The following KAT2A variants were observed in gnomAD, a reference collection of about 807,000 sequenced individuals.
The protein encoded by KAT2A is histone acetyltransferase KAT2A.
KAT2A carries 42 observed loss-of-function variants against 95.2 expected under a neutral mutation model. That is an observed-to-expected ratio of 0.44 (90% CI 0.34 to 0.57). The LOEUF (loss-of-function observed/expected upper bound fraction) is 0.57. Among genes scored for constraint, KAT2A ranks in the 20% least tolerant of loss-of-function variants. The probability of loss-of-function intolerance (pLI) is 0.01; values close to 1 mark genes in which losing one functional copy is unlikely to be tolerated. For missense variants in KAT2A, 784 were observed against 1,126.3 expected, an observed-to-expected ratio of 0.70 and a Z score of 4.35; for synonymous variants, 449 against 448.2, an observed-to-expected ratio of 1.00 and a Z score of -0.02.
At position 42,118,411 on chromosome 17, in the gene KAT2A, G is replaced by T; in HGVS notation, c.1074-8C>A. The T allele has an allele frequency of 1.3e-6, 2 of 1,579,108 alleles. No homozygotes were observed. Among genetic ancestry groups the T allele is most frequent in the Non-Finnish European group, 8.7e-7 (1 of 1,148,234 alleles). ...TCCAGCATGGACAGGAATCTGTAGGGAGGACACAGTCTGTCCCACAACTCT... is the reference window on the plus strand; with the variant it reads ...TCCAGCATGGACAGGAATCTGTAGGTAGGACACAGTCTGTCCCACAACTCT... On this transcript the variant is annotated splice_region_variant and splice_polypyrimidine_tract_variant and intron_variant, in intron 6 of 17. Transcript: ENST00000225916.
chr17:42,116,234 CAG>C (rs144010961), intron 11 of KAT2A, among the ~76,000 whole-genome samples: 4,559 of 152,254 alleles, frequency 0.03, 152 homozygotes, highest in African/African-American at 0.085. Context: ...CCCTGGGCCT[CAG>C]AGTTGGGAGA....
chr17:42,113,920 G>C (rs1242507349), intron 17 of KAT2A, 78 bp from the exon 18 acceptor site: 5 of 1,481,278 alleles, frequency 3.4e-6, no homozygotes, highest in Admixed American at 5.4e-5. Context: ...TGGGCCCCCT[G>C]GGGCTGCAGG....
At chr17:42,118,782 G>A (rs1448014525) in intron 6 of KAT2A, among the ~76,000 whole-genome samples, 1 of 152,224 alleles carries the variant, frequency 6.6e-6, no homozygotes, top group East Asian at 1.9e-4. Context: ...ATGGCAGGGG[G>A]CACTAGAGAG....
rs782210992 is a variant in KAT2A, at chr17:42,114,498, G to A, written c.2126C>T (p.Pro709Leu). ...CTGAGACCCCTGCTTACGAATGCCA[G>A]GAACGCTCTCCACAGGGATCTGCCT... ...GVRQIPVESVPGIRETGWKPL... is the reference protein window; with the variant it reads ...GVRQIPVESVLGIRETGWKPL... Residue 709 changes from proline to leucine, a missense_variant, in exon 14 of 18, where the codon CCT (proline) becomes CTT (leucine). Pro to Leu is a moderately conservative substitution (Grantham distance 98). This residue lies in a region of KAT2A where 195 missense variants were observed against 247.1 expected (regional missense o/e 0.79). Coordinates refer to ENST00000225916, the MANE Select transcript of KAT2A (RefSeq NM_021078.3). This position sits in a 1 kb window ranked among gnomAD's most constrained non-coding sequence, Gnocchi z 6.0. The A allele has an allele frequency of 2.5e-6, 4 of 1,614,062 alleles. No individual in the cohort carries two copies. Among genetic ancestry groups the A allele is most frequent in the Non-Finnish European group, 8.5e-7 (1 of 1,179,934 alleles).
intron 7 of KAT2A, 84 bp from the exon 8 acceptor site, chr17:42,118,101 G>A (rs2054287237): frequency 1.1e-6 from 1 of 872,944 alleles, no homozygotes; most frequent in Non-Finnish European, 1.8e-6. Flanking sequence ...CTGAAGCTGA[G>A]GAGAGAGAGA....
rs1444174193 is a variant in KAT2A at position 42,120,986 on chromosome 17, C to T, written c.319G>A (p.Gly107Arg). ...LPRAKKLEKL[G>R]VFSACKANET... ...CCCACCTTGCAAGCCGAGAAGACCC[C>T]TAGCTTCTCAAGCTTCTTGGCGCGC... The change falls in exon 1 of 18, where the codon GGG (glycine) becomes AGG (arginine). Residue 107 changes from glycine to arginine, a missense_variant. Gly to Arg is a moderately radical substitution (Grantham distance 125). This residue lies in a region of KAT2A where 208 missense variants were observed against 339.7 expected (regional missense o/e 0.61). Coordinates refer to ENST00000225916, the MANE Select transcript of KAT2A (RefSeq NM_021078.3). 1 of 1,590,442 alleles carries T rather than the reference C, an allele frequency of 6.3e-7. No individual in the cohort carries two copies. Among genetic ancestry groups the T allele is most frequent in the African/African-American group, 1.3e-5 (1 of 74,544 alleles).
In KAT2A at chr17:42,114,921, G is replaced by A. The variant is rs17659391; in HGVS notation, c.1990C>T (p.Leu664=). The A allele has an allele frequency of 0.065, 105,287 of 1,613,768 alleles. 4,183 individuals carry two copies. The highest frequency in any genetic ancestry group is 0.076 in the Non-Finnish European group (89,801 of 1,179,712). ...TTCTGCTTCTTGATGATGTGGGACA[G>A]CTCCGTGTAGGGGATGCGGGGATTC... The part of the protein sequence containing the change: ...ELNPRIPYTE[L]SHIIKKQKEI... The change falls in exon 13 of 18, where the codon CTG becomes TTG. Residue 664 remains leucine, a synonymous_variant. Coordinates refer to ENST00000225916, the MANE Select transcript of KAT2A (RefSeq NM_021078.3). This position sits in a 1 kb window ranked among gnomAD's most constrained non-coding sequence, Gnocchi z 6.0.
At chr17:42,120,410 GA>G (rs2054319471) in intron 2 of KAT2A, 40 bp from the exon 3 acceptor site, 2 of 1,607,650 alleles carry the variant, frequency 1.2e-6, no homozygotes, top group African/African-American at 2.7e-5. Flanking sequence ...ATTGATAGAA[GA>G]AATCAACAAG....
intron 2 of KAT2A, 144 bp downstream of exon 2, chr17:42,120,562 C>T (rs574112796): frequency 5.6e-6 from 7 of 1,248,426 alleles, no homozygotes; most frequent in Admixed American, 2.0e-5. Context: ...CCTTTCTCCC[C>T]CCTTGGTGCA....
chr17:42,117,997 C>T lies in KAT2A; in HGVS notation c.1201G>A (p.Val401Ile), dbSNP rs1555666435. 1 of 1,603,186 alleles carries T rather than the reference C, an allele frequency of 6.2e-7. No individual in the cohort carries two copies. The highest frequency in any genetic ancestry group is 1.1e-5 in the South Asian group (1 of 89,788). The change falls in exon 8 of 18, where the codon GTT becomes ATT. Residue 401 changes from valine to isoleucine, a missense_variant. This residue lies in a region of KAT2A where 63 missense variants were observed against 70.1 expected (regional missense o/e 0.90). Coordinates refer to ENST00000225916, the MANE Select transcript of KAT2A (RefSeq NM_021078.3). This position sits in a 1 kb window ranked among gnomAD's most constrained non-coding sequence, Gnocchi z 8.9. Reference protein sequence around the residue: ...PRPASVSAAVVPSTPIFSPSM... With the variant: ...PRPASVSAAVIPSTPIFSPSM... ...GGGCTGAAGATGGGGGTGCTGGGAA[C>T]AACCGCTGCACTGACTGAAGCTGAG...
chr17:42,120,626 T>C (rs2054322628), intron 2 of KAT2A, 80 bp downstream of exon 2: 1 of 1,565,940 alleles, frequency 6.4e-7, no homozygotes, highest in Non-Finnish European at 8.7e-7. Context: ...TTTTCAGAGA[T>C]GAAGCTTTGT....
In KAT2A at chr17:42,114,040, C is replaced by T. The variant is rs147034250; in HGVS notation, c.2280G>A (p.Ser760=). ...AWPFMEPVKK[S]EAPDYYEVIR... is the part of the protein sequence containing the mutation. The stretch of plus-strand genomic sequence containing the variant: ...TGACCTCGTAGTAGTCAGGGGCCTC[C>T]GACTTCTTCACAGGCTCCATGAAGG... The change falls in exon 17 of 18, where the codon TCG becomes TCA. Residue 760 remains serine, a synonymous_variant. Coordinates refer to ENST00000225916, the MANE Select transcript of KAT2A (RefSeq NM_021078.3). This position sits in a 1 kb window ranked among gnomAD's most constrained non-coding sequence, Gnocchi z 6.0. The T allele has an allele frequency of 6.2e-4, 943 of 1,522,262 alleles. 7 individuals carry two copies. In the African/African-American group the frequency reaches 0.012, roughly 20 times the overall value. 94.3% of individuals were successfully genotyped at this position (1,522,262 alleles called of 1,614,324 possible). A position where few individuals can be genotyped will look rare whatever the true frequency, so the allele number is the denominator to read the frequency against.
chr17:42,115,103 G>A (rs2054236965), intron 12 of KAT2A, 68 bp from the exon 13 acceptor site: 1 of 1,538,346 alleles, frequency 6.5e-7, no homozygotes, highest in Non-Finnish European at 8.9e-7. Flanking sequence ...TCCCTCACCT[G>A]GGAGCACCAG....
Position 42,114,026 on chromosome 17 carries a change from T to A in KAT2A, c.2294A>T (p.Tyr765Phe). Reference protein sequence around the residue: ...EPVKKSEAPDYYEVIRFPIDL... With the variant: ...EPVKKSEAPDFYEVIRFPIDL... ...AATGGGGAAGCGGATGACCTCGTAG[T>A]AGTCAGGGGCCTCCGACTTCTTCAC... is the stretch of plus-strand genomic sequence containing the variant. Residue 765 changes from tyrosine (Y) to phenylalanine (F), a missense_variant, in exon 17 of 18, where the codon TAC (tyrosine) becomes TTC (phenylalanine). Tyr to Phe is a conservative substitution (Grantham distance 22). Transcript: ENST00000225916. The surrounding 1 kb of genome is among the most constrained non-coding windows in gnomAD (Gnocchi z 6.0). 1 of 1,518,998 alleles carries A rather than the reference T, an allele frequency of 6.6e-7. No homozygotes were observed. Among genetic ancestry groups the A allele is most frequent in the Non-Finnish European group, 8.8e-7 (1 of 1,139,262 alleles). The allele number at this position is 1,518,998 out of a possible 1,614,324, so 94.1% of individuals were successfully genotyped here. A position where few individuals can be genotyped will look rare whatever the true frequency, so the allele number is the denominator to read the frequency against.
In KAT2A at chr17:42,120,074, C is replaced by G; in HGVS notation, c.655G>C (p.Gly219Arg). 6.2e-7 allele frequency: 1 copy of G among 1,614,198 alleles called. No individual in the cohort carries two copies. Among genetic ancestry groups the G allele is most frequent in the Non-Finnish European group, 8.5e-7 (1 of 1,180,028 alleles). The change falls in exon 4 of 18, where the codon GGG becomes CGG. Residue 219 changes from glycine to arginine, a missense_variant. By Grantham distance (125) the Gly-to-Arg change is moderately radical. Around this residue, in one of 6 missense-constraint regions of KAT2A, gnomAD observed 208 missense variants for 339.7 expected, o/e 0.61. Coordinates refer to ENST00000225916, the MANE Select transcript of KAT2A (RefSeq NM_021078.3). Reference sequence around the variant, plus strand: ...TCAAATGGAGGGCTGCCCAGGGACCCCTCCACCACAGGCCGGGTCATCTGC... The same window carrying G: ...TCAAATGGAGGGCTGCCCAGGGACCGCTCCACCACAGGCCGGGTCATCTGC... ...ILQMTRPVVE[G>R]SLGSPPFEKP...
chr17:42,120,355 TG>T lies in KAT2A; in HGVS notation c.478del (p.His160ThrfsTer10). ...CTCATCCTCTGACACATTCTCCAAG[TG>T]GGATACGTGGTCAGCTGCAAGACAG... Reference protein sequence around the residue: ...CEHPLADHVSHLENVSEDEIN... With the variant: ...CEHPLADHVSXLENVSEDEIN... On this transcript the variant is annotated frameshift_variant, in exon 3 of 18. Coordinates refer to ENST00000225916, the MANE Select transcript of KAT2A (RefSeq NM_021078.3). LOFTEE classifies it high-confidence loss of function. 1.2e-6 allele frequency: 2 copies of T among 1,614,200 alleles called. No homozygotes were observed. The highest frequency in any genetic ancestry group is 1.7e-6 in the Non-Finnish European group (2 of 1,180,036).
rs1266846932 is a variant in KAT2A, at chr17:42,113,519, G to C, written c.*130C>G. On this transcript the variant is annotated 3_prime_UTR_variant, in exon 18 of 18. Coordinates refer to ENST00000225916, the MANE Select transcript of KAT2A (RefSeq NM_021078.3). ...AAGGTCCAGAAAGAGCTGCAGGATC[G>C]GGTCCGGAGGACCCTTGGCTGGAGT... The C allele has an allele frequency of 1.3e-6, 1 of 790,144 alleles. No individual in the cohort carries two copies. Among genetic ancestry groups the C allele is most frequent in the African/African-American group, 1.8e-5 (1 of 56,202 alleles). The allele number at this position is 790,144 out of a possible 1,614,324, so 48.9% of individuals were successfully genotyped here. A position where few individuals can be genotyped will look rare whatever the true frequency, so the allele number is the denominator to read the frequency against.
At position 42,114,442 on chromosome 17, in the gene KAT2A, C is replaced by A. The variant is rs782149973; in HGVS notation, c.2134+48G>T. The stretch of plus-strand genomic sequence containing the variant: ...ATGTCTCTAAGAATGCCAGTCCACA[C>A]CCCAAGCATCGTGCCCCCACTACCC... On this transcript the variant is annotated intron_variant, in intron 14 of 17. Coordinates refer to ENST00000225916, the MANE Select transcript of KAT2A (RefSeq NM_021078.3). The surrounding 1 kb of genome is among the most constrained non-coding windows in gnomAD (Gnocchi z 6.0). 3.7e-6 allele frequency: 6 copies of A among 1,613,256 alleles called. No individual in the cohort carries two copies. Among genetic ancestry groups the A allele is most frequent in the Non-Finnish European group, 5.1e-6 (6 of 1,179,340 alleles).
At position 42,121,266 on chromosome 17, in the gene KAT2A, AGCCGGG is replaced by A; in HGVS notation, c.33_38del (p.Pro12_Ala13del). The A allele has an allele frequency of 7.4e-7, 1 of 1,350,214 alleles. No homozygotes were observed. Among genetic ancestry groups the A allele is most frequent in the Non-Finnish European group, 9.6e-7 (1 of 1,046,730 alleles). The allele number at this position is 1,350,214 out of a possible 1,614,324, so 83.6% of individuals were successfully genotyped here. A position where few individuals can be genotyped will look rare whatever the true frequency, so the allele number is the denominator to read the frequency against. ...GGGACTGAAGGGGCCGGGGCTGCGC[AGCCGGG>A]GCCGGGGTCGGGGCCTGGGAAGGTT... On this transcript the variant is annotated inframe_deletion, in exon 1 of 18. Coordinates refer to ENST00000225916, the MANE Select transcript of KAT2A (RefSeq NM_021078.3).
Sources: allele counts gnomAD v4.1 joint callset (sites outside exome capture counted in the v4.1 genomes callset), GRCh38; gene constraint gnomAD v4.1.1; regional missense constraint gnomAD v4.1.1; non-coding constraint Gnocchi (gnomAD v3.1); transcripts MANE v1.5; gene names NCBI Gene and HGNC (gene_info 2026-07-23, HGNC 2026-07-21).